The following MEI4 variants were observed in gnomAD, a reference collection of about 807,000 sequenced individuals.
MEI4 encodes the protein meiotic double-stranded break formation protein 4.
Under a neutral mutation model 31.4 loss-of-function variants are expected in MEI4, and 27 were observed. That is an observed-to-expected ratio of 0.86 (90% confidence interval 0.63 to 1.19). The LOEUF (loss-of-function observed/expected upper bound fraction) is 1.19, where lower values mean the gene tolerates loss of function less well. Among genes scored for constraint, MEI4 ranks in the 50% most tolerant of loss-of-function variants. The pLI is 0.00. For missense variants in MEI4, 329 were observed against 398.9 expected (o/e 0.82, Z 1.49); for synonymous variants, 122 against 145.4 (o/e 0.84, Z 1.16).
In MEI4 at chr6:77,883,745, A is replaced by ATATATATATATATATATATATAT. The variant is rs55947073; in HGVS notation, c.901-39344_901-39343insTATATATATATATATATATATAT. ...ATATATATATATATATATATATATA[A>ATATATATATATATATATATATAT]CTTTGTCTTTGTCTATTCATTTATT... is the stretch of plus-strand genomic sequence containing the variant. On this transcript the variant is annotated intron_variant, in intron 4 of 4. Coordinates refer to ENST00000684080, the MANE Select transcript of MEI4 (RefSeq NM_001322247.2). Among the ~76,000 whole-genome samples, 491 of 82,096 alleles carry ATATATATATATATATATATATAT rather than the reference A, an allele frequency of 6.0e-3. 25 individuals are homozygous for ATATATATATATATATATATATAT. The highest frequency in any genetic ancestry group is 9.3e-3 in the Non-Finnish European group (389 of 41,898). The allele number at this position is 82,096 out of a possible 152,430, so 53.9% of individuals were successfully genotyped here.
intron 2 of MEI4, among the ~76,000 whole-genome samples, chr6:77,693,442 T>C (rs1359240534): frequency 1.3e-5 from 2 of 152,036 alleles, no homozygotes; most frequent in East Asian, 3.9e-4. Context: ...TTTTGTAACA[T>C]GAATGTGCCT....
intron 2 of MEI4, among the ~76,000 whole-genome samples, chr6:77,754,705 A>C (rs1188935021): frequency 6.6e-6 from 1 of 152,152 alleles, no homozygotes; most frequent in African/African-American, 2.4e-5. Context: ...GGTTCTGTTG[A>C]CTCACATTTC....
At chr6:77,804,829 C>T (rs903408780) in intron 3 of MEI4, among the ~76,000 whole-genome samples, 13 of 152,122 alleles carry the variant, frequency 8.5e-5, no homozygotes, top group African/African-American at 2.9e-4. Context: ...TGATAGCTAT[C>T]TAGTCTTCTA....
chr6:77,808,643 G>A, intron 3 of MEI4, among the ~76,000 whole-genome samples: 1 of 152,282 alleles, frequency 6.6e-6, no homozygotes, highest in South Asian at 2.1e-4. Context: ...GTTTCAGAGA[G>A]AGTTTCATCA....
chr6:77,808,788 A>G (rs966303381), intron 3 of MEI4, among the ~76,000 whole-genome samples: 8 of 152,186 alleles, frequency 5.3e-5, no homozygotes, highest in African/African-American at 1.2e-4. Flanking sequence ...AAGAAACAGG[A>G]TAAGAAGAAG....
chr6:77,754,667 C>T (rs1307805065), intron 2 of MEI4, among the ~76,000 whole-genome samples: 1 of 152,138 alleles, frequency 6.6e-6, no homozygotes, highest in African/African-American at 2.4e-5. Context: ...AAGAACTTCC[C>T]CAAACTGGGT....
chr6:77,802,728 T>G (rs1233979137), intron 3 of MEI4, among the ~76,000 whole-genome samples: 2 of 152,214 alleles, frequency 1.3e-5, no homozygotes, highest in African/African-American at 4.8e-5. Flanking sequence ...CCTTCACTTC[T>G]GAAGCTTAGT....
intron 4 of MEI4, among the ~76,000 whole-genome samples, chr6:77,922,828 G>A (rs1304711859): frequency 6.6e-6 from 1 of 151,692 alleles, no homozygotes; most frequent in Admixed American, 6.6e-5. Flanking sequence ...AGATTCATTT[G>A]AGTATTCTCT....
intron 1 of MEI4, among the ~76,000 whole-genome samples, chr6:77,689,645 G>A (rs1769121161): frequency 6.6e-6 from 1 of 152,042 alleles, no homozygotes; most frequent in Non-Finnish European, 1.5e-5. Context: ...GAGCAGAGAT[G>A]TGTACAGGAG....
upstream of MEI4, among the ~76,000 whole-genome samples, chr6:77,651,131 A>G (rs547857234): frequency 2.6e-5 from 4 of 152,294 alleles, no homozygotes; most frequent in East Asian, 7.7e-4. Flanking sequence ...GTAGTGTGGG[A>G]CATGGGGGCT....
intron 2 of MEI4, among the ~76,000 whole-genome samples, chr6:77,706,541 TTA>T (rs1470210385): frequency 2.6e-5 from 4 of 152,312 alleles, no homozygotes; most frequent in Non-Finnish European, 5.9e-5. Context: ...AATAAATCTG[TTA>T]TCTTTTTCTC....
At position 77,880,041 on chromosome 6, in the gene MEI4, A is replaced by G. The variant is rs1308608001; in HGVS notation, c.901-43048A>G. ...AAAAGTCACTGAGAAGCAGTATTAC[A>G]TGCAGACAGAAATAACTGTGATAAT... is the stretch of plus-strand genomic sequence containing the variant. On this transcript the variant is annotated intron_variant, in intron 4 of 4. Coordinates refer to ENST00000684080, the MANE Select transcript of MEI4 (RefSeq NM_001322247.2). Among the ~76,000 whole-genome samples the G allele has an allele frequency of 2.6e-5, 4 of 152,230 alleles. No homozygotes were observed. In the South Asian group the frequency reaches 8.3e-4, roughly 32 times the overall value.
At chr6:77,799,068 A>G (rs929335265) in intron 3 of MEI4, among the ~76,000 whole-genome samples, 2 of 152,156 alleles carry the variant, frequency 1.3e-5, no homozygotes, top group African/African-American at 4.8e-5. Flanking sequence ...GAATCACCAC[A>G]CTGACTTCCA....
chr6:77,684,592 G>A (rs1162512147), intron 1 of MEI4, among the ~76,000 whole-genome samples: 2 of 152,076 alleles, frequency 1.3e-5, no homozygotes, highest in South Asian at 4.1e-4. Context: ...AAATAAGTGA[G>A]AACGTGCAAT....
At chr6:77,802,775 T>C (rs199798924) in intron 3 of MEI4, among the ~76,000 whole-genome samples, 2 of 152,362 alleles carry the variant, frequency 1.3e-5, no homozygotes, top group East Asian at 3.9e-4. Context: ...AAAATTGTTT[T>C]CTTTAAGAAT....
At chr6:77,808,480 G>C (rs1347829420) in intron 3 of MEI4, among the ~76,000 whole-genome samples, 1 of 152,122 alleles carries the variant, frequency 6.6e-6, no homozygotes, top group African/African-American at 2.4e-5. Context: ...AAGAAGTATA[G>C]AAATGGCTGA....
chr6:77,728,648 C>T (rs367569536), intron 2 of MEI4, among the ~76,000 whole-genome samples: 4 of 152,156 alleles, frequency 2.6e-5, no homozygotes, highest in Non-Finnish European at 5.9e-5. Context: ...TAGACTGGAT[C>T]GTCAGGAAGC....
At chr6:77,858,675 A>T (rs1770795837) in intron 4 of MEI4, among the ~76,000 whole-genome samples, 1 of 152,132 alleles carries the variant, frequency 6.6e-6, no homozygotes, top group Admixed American at 6.6e-5. Flanking sequence ...ATATTTTTAA[A>T]AGCCTGATTT....
intron 2 of MEI4, among the ~76,000 whole-genome samples, chr6:77,727,545 T>C (rs760950186): frequency 3.3e-5 from 5 of 152,164 alleles, no homozygotes; most frequent in Non-Finnish European, 7.3e-5. Context: ...ACTAGCAAAA[T>C]ATAGTAATCA....
Sources: allele counts gnomAD v4.1 joint callset (sites outside exome capture counted in the v4.1 genomes callset), GRCh38; gene constraint gnomAD v4.1.1; transcripts MANE v1.5; gene names NCBI Gene and HGNC (gene_info 2026-07-23, HGNC 2026-07-21).